The following ZNF624 variants were observed in gnomAD, a reference collection of about 807,000 sequenced individuals.
ZNF624 encodes the protein zinc finger protein 624.
In ZNF624, 43 loss-of-function variants were observed where a neutral mutation model predicts 74.7. The ratio of observed to expected loss-of-function variants is 0.58; its 90% CI spans 0.45 to 0.74. The LOEUF (loss-of-function observed/expected upper bound fraction) is 0.74, where lower values mean the gene tolerates loss of function less well. ZNF624 is among the 30% of genes least tolerant of loss of function. The pLI is 0.00. For synonymous variants in ZNF624, 331 were observed against 341.3 expected (o/e 0.97, Z 0.33); for missense variants, 820 against 1,030.0 (o/e 0.80, Z 2.79).
At chr17:16,641,053 C>A (rs536749131) in intron 3 of ZNF624, among the ~76,000 whole-genome samples, 2 of 152,236 alleles carry the variant, frequency 1.3e-5, no homozygotes, top group African/African-American at 4.8e-5. Context: ...TCAAAAAAAT[C>A]AATCAATAGA....
intron 1 of ZNF624, 36 bp from the exon 2 acceptor site, chr17:16,649,782 G>T: frequency 6.4e-7 from 1 of 1,559,920 alleles, no homozygotes; most frequent in Non-Finnish European, 8.8e-7. Flanking sequence ...AACCAATCCT[G>T]CCTGGGGAAT....
At chr17:16,615,191 G>T in the ZNF624 span, among the ~76,000 whole-genome samples, 2 of 152,104 alleles carry the variant, frequency 1.3e-5, no homozygotes, top group African/African-American at 4.8e-5. Flanking sequence ...TCCGCCTCCC[G>T]GGTTCAGGCC....
In ZNF624 at chr17:16,622,326, G is replaced by C; in HGVS notation, c.2560C>G (p.His854Asp). The change falls in exon 6 of 6, where the codon CAT (histidine) becomes GAT (aspartate). Residue 854 changes from histidine (H) to aspartate (D), a missense_variant. Transcript: ENST00000311331. Reference protein sequence around the residue: ...AFRSSSSLTVHQRIHQRETQL... With the variant: ...AFRSSSSLTVDQRIHQRETQL... ...GTTTCTCTTTGATGTATTCTTTGAT[G>C]TACAGTAAGGCTCGAACTACTCCTG... The C allele has an allele frequency of 6.2e-7, 1 of 1,600,580 alleles. No individual in the cohort carries two copies. The highest frequency in any genetic ancestry group is 8.5e-7 in the Non-Finnish European group (1 of 1,175,164).
At chr17:16,634,173 T>G (rs890082309) in intron 4 of ZNF624, among the ~76,000 whole-genome samples, 1 of 152,188 alleles carries the variant, frequency 6.6e-6, no homozygotes, top group Non-Finnish European at 1.5e-5. Flanking sequence ...TCAGATGGAC[T>G]AGCCAAATTT....
intron 3 of ZNF624, among the ~76,000 whole-genome samples, chr17:16,643,843 CA>C (rs1372462193): frequency 6.6e-6 from 1 of 152,128 alleles, no homozygotes; most frequent in Non-Finnish European, 1.5e-5. Flanking sequence ...AACTTTGAAA[CA>C]TAAAACTGCT....
At chr17:16,632,350 A>G (rs1459159329) in intron 5 of ZNF624, among the ~76,000 whole-genome samples, 3 of 152,140 alleles carry the variant, frequency 2.0e-5, no homozygotes, top group Non-Finnish European at 4.4e-5. Flanking sequence ...CTCTCTCTCC[A>G]TTAAGGCAAT....
Position 16,623,488 on chromosome 17 carries a change from A to G in ZNF624, c.1398T>C (p.His466=). The stretch of plus-strand genomic sequence containing the variant: ...TACATCTAAAAGGTTTCTCTCCAGT[A>G]TGAATCCTCTGATGCACATTAAAAA... ...TTIFNVHQRI[H]TGEKPFRCNE... is the part of the protein sequence containing the mutation. The change falls in exon 6 of 6, where the codon CAT becomes CAC. Residue 466 remains histidine, a synonymous_variant. Coordinates refer to ENST00000311331, the MANE Select transcript of ZNF624 (RefSeq NM_020787.4). This position sits in a 1 kb window ranked among gnomAD's most constrained non-coding sequence, Gnocchi z 5.3. The G allele has an allele frequency of 6.2e-7, 1 of 1,613,238 alleles. No homozygotes were observed. Among genetic ancestry groups the G allele is most frequent in the Non-Finnish European group, 8.5e-7 (1 of 1,179,768 alleles).
In ZNF624 at chr17:16,621,499, C is replaced by T. The variant is rs1377185421; in HGVS notation, c.*789G>A. The T allele has an allele frequency of 6.6e-6, 1 of 152,210 alleles. No individual in the cohort carries two copies. Among genetic ancestry groups the T allele is most frequent in the African/African-American group, 2.4e-5 (1 of 41,450 alleles). The allele number at this position is 152,210 out of a possible 1,614,324, so 9.4% of individuals were successfully genotyped here. A position where few individuals can be genotyped will look rare whatever the true frequency, so the allele number is the denominator to read the frequency against. ...TTGGACTGCTGGTGGAAGTATGTTACACAACCTTTAAGTAATAGTACATGG... is the reference window on the plus strand; with the variant it reads ...TTGGACTGCTGGTGGAAGTATGTTATACAACCTTTAAGTAATAGTACATGG... On this transcript the variant is annotated 3_prime_UTR_variant, in exon 6 of 6. Coordinates refer to ENST00000311331, the MANE Select transcript of ZNF624 (RefSeq NM_020787.4).
At chr17:16,641,376 C>CA (rs1449436452) in intron 3 of ZNF624, among the ~76,000 whole-genome samples, 2 of 152,232 alleles carry the variant, frequency 1.3e-5, no homozygotes, top group East Asian at 3.9e-4. Flanking sequence ...TCCACCTCCC[C>CA]AGTTCAAGGG....
chr17:16,634,501 G>A, intron 4 of ZNF624, 129 bp downstream of exon 4: 1 of 939,026 alleles, frequency 1.1e-6, no homozygotes, highest in Non-Finnish European at 1.6e-6. Context: ...TTAAGAGTGA[G>A]GAATAGCATA....
downstream of ZNF624, chr17:16,616,879 C>A (rs1908802212): frequency 7.0e-7 from 1 of 1,423,126 alleles, no homozygotes; most frequent in Non-Finnish European, 9.6e-7. Flanking sequence ...GGACCTTGAT[C>A]TTGACTTTGA....
intron 5 of ZNF624, among the ~76,000 whole-genome samples, chr17:16,628,913 A>C (rs1457203835): frequency 6.6e-6 from 1 of 152,126 alleles, no homozygotes; most frequent in Non-Finnish European, 1.5e-5. Context: ...AAAAAGAGAG[A>C]CAGGGAAGGG....
chr17:16,644,278 A>T (rs1311107321), intron 3 of ZNF624, among the ~76,000 whole-genome samples: 4 of 152,232 alleles, frequency 2.6e-5, no homozygotes, highest in Non-Finnish European at 4.4e-5. Context: ...ACAACTTCTA[A>T]GAATGTTGAG....
At chr17:16,645,224 G>C (rs1466880335) in intron 3 of ZNF624, among the ~76,000 whole-genome samples, 1 of 152,154 alleles carries the variant, frequency 6.6e-6, no homozygotes, top group Non-Finnish European at 1.5e-5. Flanking sequence ...CAGATCACTT[G>C]AGTTCAGGAG....
At position 16,624,979 on chromosome 17, in the gene ZNF624, G is replaced by T. The variant is rs1465950091; in HGVS notation, c.377-470C>A. ...TTGATTCTAGGAGGTGGAGGTTGCA[G>T]TGAGCCAAGATTGTGCCACTGCATT... On this transcript the variant is annotated intron_variant, in intron 5 of 5. Coordinates refer to ENST00000311331, the MANE Select transcript of ZNF624 (RefSeq NM_020787.4). 4.0e-5 allele frequency among the ~76,000 whole-genome samples: 6 copies of T among 148,340 alleles called. No individual in the cohort carries two copies. In the East Asian group the frequency reaches 1.2e-3, roughly 30 times the overall value.
At position 16,622,080 on chromosome 17, in the gene ZNF624, CTT is replaced by C. The variant is rs1258259445; in HGVS notation, c.*206_*207del. The C allele has an allele frequency of 3.1e-5, 12 of 381,072 alleles. No individual in the cohort carries two copies. The highest frequency in any genetic ancestry group is 5.1e-5 in the Non-Finnish European group (11 of 216,330). The allele number at this position is 381,072 out of a possible 1,614,324, so 23.6% of individuals were successfully genotyped here. A position where few individuals can be genotyped will look rare whatever the true frequency, so the allele number is the denominator to read the frequency against. ...GTAAAGTATGAAATCTGGATGAACA[CTT>C]TCATTTGTTCATTATTTTCCTCTAG... On this transcript the variant is annotated 3_prime_UTR_variant, in exon 6 of 6. Coordinates refer to ENST00000311331, the MANE Select transcript of ZNF624 (RefSeq NM_020787.4).
chr17:16,645,274 C>T (rs1382880568), intron 3 of ZNF624, among the ~76,000 whole-genome samples: 3 of 152,020 alleles, frequency 2.0e-5, no homozygotes, highest in African/African-American at 4.8e-5. Context: ...ACCCCGTACA[C>T]TAAAAATACA....
intron 3 of ZNF624, among the ~76,000 whole-genome samples, chr17:16,642,534 C>T (rs1482385302): frequency 6.6e-6 from 1 of 152,062 alleles, no homozygotes; most frequent in Non-Finnish European, 1.5e-5. Flanking sequence ...GGACTATAGA[C>T]CTAAATGTAA....
chr17:16,623,554 A>C lies in ZNF624; in HGVS notation c.1332T>G (p.Tyr444Ter). 1 of 1,610,438 alleles carries C rather than the reference A, an allele frequency of 6.2e-7. No individual in the cohort carries two copies. Reference sequence around the variant, plus strand: ...AAGACTTCCCACACTCGTTGCACTGATATGGTTTCTCTTCAGTGTGGGTCT... The same window carrying C: ...AAGACTTCCCACACTCGTTGCACTGCTATGGTTTCTCTTCAGTGTGGGTCT... ...HQKTHTEEKP[Y>*]QCNECGKSFK... The change falls in exon 6 of 6, where the codon TAT becomes TAG. Residue 444 changes from tyrosine (Y) to a stop codon, truncating the protein, a stop_gained. Coordinates refer to ENST00000311331, the MANE Select transcript of ZNF624 (RefSeq NM_020787.4). LOFTEE classifies it high-confidence loss of function. This position sits in a 1 kb window ranked among gnomAD's most constrained non-coding sequence, Gnocchi z 5.3.
Sources: gnomAD v4.1 joint callset for allele counts (sites outside exome capture counted in the v4.1 genomes callset) on GRCh38, gnomAD v4.1.1 for gene constraint, Gnocchi (gnomAD v3.1) non-coding constraint, MANE v1.5 for transcripts, NCBI Gene and HGNC (gene_info 2026-07-23, HGNC 2026-07-21) for gene names.